NF1: variants seen among roughly 807,000 people sequenced by gnomAD.
The protein encoded by NF1 is neurofibromin.
Under a neutral mutation model 325.7 loss-of-function variants are expected in NF1, and 122 were observed. That is an observed-to-expected ratio of 0.37 (90% confidence interval 0.32 to 0.44). The LOEUF is 0.44. NF1 is among the 20% of genes least tolerant of loss of function. NF1 has a pLI of 1.00. For synonymous variants in NF1, 1,091 were observed against 1,186.0 expected (o/e 0.92, Z 1.65); for missense variants, 2,140 against 3,415.4 (o/e 0.63, Z 9.31).
chr17:31,121,715 A>G (rs1255895642), intron 1 of NF1, among the ~76,000 whole-genome samples: 1 of 151,976 alleles, frequency 6.6e-6, no homozygotes, highest in Non-Finnish European at 1.5e-5. Flanking sequence ...TGTTTATGTG[A>G]TGGATTACAT....
At chr17:31,125,578 C>G (rs1397617003) in intron 1 of NF1, among the ~76,000 whole-genome samples, 2 of 151,750 alleles carry the variant, frequency 1.3e-5, no homozygotes, top group African/African-American at 4.8e-5. Context: ...CTCTTCTCCC[C>G]CAGGCTGGAG....
chr17:31,320,992 T>C (rs988524530), intron 36 of NF1: 5 of 152,256 alleles, frequency 3.3e-5, no homozygotes, highest in Non-Finnish European at 7.3e-5. Context: ...TTGATTGTCT[T>C]CAGCCAGATG....
intron 40 of NF1, among the ~76,000 whole-genome samples, chr17:31,335,853 ATTT>A (rs71360768): frequency 1.8e-5 from 2 of 112,794 alleles, no homozygotes; most frequent in Non-Finnish European, 1.7e-5. Flanking sequence ...TAATTTTTGT[ATTT>A]TTTTTTTTTT....
At chr17:31,360,214 G>A in intron 56 of NF1, 1 of 459,106 alleles carries the variant, frequency 2.2e-6, no homozygotes, top group East Asian at 4.3e-5. Context: ...CATCATTCCT[G>A]GTGATTGTAT....
intron 31 of NF1, among the ~76,000 whole-genome samples, chr17:31,258,106 C>T (rs2067614565): frequency 6.6e-6 from 1 of 151,994 alleles, no homozygotes; most frequent in Non-Finnish European, 1.5e-5. Flanking sequence ...CCCATCTCAT[C>T]CATGAGGTTT....
At chr17:31,327,436 T>G (rs1031900971) in intron 37 of NF1, 63 bp from the exon 38 acceptor site, 3 of 1,347,424 alleles carry the variant, frequency 2.2e-6, no homozygotes, top group Non-Finnish European at 3.1e-6. Context: ...CTGGAGCCTT[T>G]TAGAATTTTA....
chr17:31,223,702 T>C lies in NF1; in HGVS notation c.1845+135T>C, dbSNP rs1357943477. 7 of 827,728 alleles carry C rather than the reference T, an allele frequency of 8.5e-6. 1 individual carries two copies. In the Admixed American group the frequency reaches 1.6e-4, roughly 19 times the overall value. 51.3% of individuals were successfully genotyped at this position (827,728 alleles called of 1,614,324 possible). A position where few individuals can be genotyped will look rare whatever the true frequency, so the allele number is the denominator to read the frequency against. ...CTCCCAATGTTCTCAAAAGGAAATA[T>C]GTATGCAGAGGACAATGACTGGCAA... On this transcript the variant is annotated intron_variant, in intron 16 of 57. Coordinates refer to ENST00000358273, the MANE Select transcript of NF1 (RefSeq NM_001042492.3).
At chr17:31,151,361 A>T (rs1225667310) in intron 1 of NF1, among the ~76,000 whole-genome samples, 1 of 152,158 alleles carries the variant, frequency 6.6e-6, no homozygotes, top group African/African-American at 2.4e-5. Context: ...ATACCCCATC[A>T]CTAAATATAT....
rs2065641696 is a variant in NF1, at chr17:31,155,371, G to A, written c.61-612G>A. On this transcript the variant is annotated intron_variant, in intron 1 of 57. Coordinates refer to ENST00000358273, the MANE Select transcript of NF1 (RefSeq NM_001042492.3). ...TTTTTCTCATGGGATTTGTCTGCTT[G>A]TGTTCTGTTATCCCTTCAATTGTGT... Among the ~76,000 whole-genome samples, 4 of 152,118 alleles carry A rather than the reference G, an allele frequency of 2.6e-5. No individual in the cohort carries two copies. The South Asian group carries it at 6.2e-4, about 24-fold the overall frequency.
chr17:31,117,002 G>T (rs1172420593), intron 1 of NF1, among the ~76,000 whole-genome samples: 1 of 151,282 alleles, frequency 6.6e-6, no homozygotes, highest in African/African-American at 2.4e-5. Context: ...ATTATTTTTT[G>T]AGATGGAGTC....
intron 46 of NF1, 107 bp downstream of exon 46, chr17:31,338,912 A>G (rs2069750981): frequency 1.3e-6 from 1 of 780,644 alleles, no homozygotes; most frequent in East Asian, 2.6e-5. Context: ...TAAGTTATAA[A>G]GAAAAAACTA....
chr17:31,183,011 T>TGTTATTTGC (rs1365658075), intron 8 of NF1: 5 of 542,844 alleles, frequency 9.2e-6, no homozygotes, highest in Non-Finnish European at 1.6e-5. Flanking sequence ...TTTTATAGTG[T>TGTTATTTGC]GTTATTTGCA....
chr17:31,320,298 A>G (rs914783658), intron 36 of NF1: 8 of 1,235,456 alleles, frequency 6.5e-6, no homozygotes, highest in Non-Finnish European at 8.8e-6. Context: ...AACCCTACGT[A>G]TGCTATAGAA....
chr17:31,226,351 A>ACACACACACG, intron 17 of NF1, 84 bp from the exon 18 acceptor site: 1 of 1,531,090 alleles, frequency 6.5e-7, no homozygotes. Flanking sequence ...ACACACACAC[A>ACACACACACG]CACACACAGT....
Position 31,124,537 on chromosome 17 carries a change from G to A in NF1, c.60+29168G>A, listed in dbSNP as rs988169983. 1.9e-3 allele frequency among the ~76,000 whole-genome samples: 223 copies of A among 118,850 alleles called. 2 individuals are homozygous for A. The highest frequency in any genetic ancestry group is 6.4e-3 in the African/African-American group (207 of 32,214). 78.0% of individuals were successfully genotyped at this position (118,850 alleles called of 152,430 possible). On this transcript the variant is annotated intron_variant, in intron 1 of 57. Coordinates refer to ENST00000358273, the MANE Select transcript of NF1 (RefSeq NM_001042492.3). The stretch of plus-strand genomic sequence containing the variant: ...TTCAGGGTTTTTTTTTTTTTTGCTT[G>A]TGTTTTTGTTTTATTATAAACAATG...
chr17:31,340,693 T>G, intron 47 of NF1, 48 bp downstream of exon 47: 1 of 1,577,692 alleles, frequency 6.3e-7, no homozygotes, highest in Non-Finnish European at 8.7e-7. Flanking sequence ...AATTTAGTAC[T>G]CTTCCATCTT....
At chr17:31,346,047 G>A (rs2069972213) in intron 48 of NF1, 8 of 1,612,750 alleles carry the variant, frequency 5.0e-6, no homozygotes, top group African/African-American at 1.3e-5. Context: ...GTACAAAGAC[G>A]TGGCAAAGCC....
At chr17:31,316,010 C>T (rs1277119746) in intron 36 of NF1, among the ~76,000 whole-genome samples, 1 of 152,094 alleles carries the variant, frequency 6.6e-6, no homozygotes, top group Non-Finnish European at 1.5e-5. Context: ...AATCCTCCTG[C>T]CTCAGCCTCT....
chr17:31,127,917 A>G (rs964546381), intron 1 of NF1, among the ~76,000 whole-genome samples: 3 of 151,716 alleles, frequency 2.0e-5, no homozygotes, highest in Admixed American at 2.0e-4. Flanking sequence ...GTTGTTTTTA[A>G]TTAATATTTT....
Sources: allele counts gnomAD v4.1 joint callset (sites outside exome capture counted in the v4.1 genomes callset), GRCh38; gene constraint gnomAD v4.1.1; transcripts MANE v1.5; gene names NCBI Gene and HGNC (gene_info 2026-07-23, HGNC 2026-07-21).